MAML3: variants seen among roughly 807,000 people sequenced by gnomAD.
MAML3 encodes the protein mastermind-like protein 3.
In MAML3, 27 loss-of-function variants were observed where a neutral mutation model predicts 101.9. That is an observed-to-expected ratio of 0.27 (90% confidence interval 0.20 to 0.37). The LOEUF is 0.37. Ranked by LOEUF, MAML3 falls within the 10% of genes least tolerant of loss-of-function variation. MAML3 has a pLI of 1.00. For missense variants in MAML3, 1,316 were observed against 1,444.9 expected (o/e 0.91, Z 1.45); for synonymous variants, 501 against 555.9 (o/e 0.90, Z 1.39).
At chr4:140,112,607 C>A (rs1212999532) in intron 1 of MAML3, among the ~76,000 whole-genome samples, 4 of 152,194 alleles carry the variant, frequency 2.6e-5, no homozygotes, top group Non-Finnish European at 5.9e-5. Context: ...AGTGAGAACA[C>A]AGAGATCAGA....
intron 1 of MAML3, among the ~76,000 whole-genome samples, chr4:140,073,057 G>A (rs1727691312): frequency 1.3e-5 from 2 of 152,040 alleles, no homozygotes; most frequent in South Asian, 4.1e-4. Context: ...GGCTGGTCAT[G>A]AGCACTATAA....
At chr4:139,998,073 C>T (rs961011126) in intron 1 of MAML3, among the ~76,000 whole-genome samples, 3 of 152,058 alleles carry the variant, frequency 2.0e-5, no homozygotes, top group African/African-American at 7.2e-5. Context: ...GACTATATTT[C>T]TTCAAATATT....
chr4:139,958,146 G>A (rs1423938867), intron 1 of MAML3, among the ~76,000 whole-genome samples: 2 of 152,144 alleles, frequency 1.3e-5, no homozygotes, highest in South Asian at 2.1e-4. Context: ...GTCTAAGGAC[G>A]TTATCACTCT....
At chr4:139,723,029 T>C (rs1262675518) in intron 4 of MAML3, among the ~76,000 whole-genome samples, 2 of 152,268 alleles carry the variant, frequency 1.3e-5, no homozygotes, top group African/African-American at 2.4e-5. Flanking sequence ...GCCATTTCTT[T>C]CTAATTTAGC....
At chr4:139,963,158 C>G (rs544403502) in intron 1 of MAML3, among the ~76,000 whole-genome samples, 7 of 152,206 alleles carry the variant, frequency 4.6e-5, no homozygotes, top group African/African-American at 1.7e-4. Flanking sequence ...GTGGATCATC[C>G]CTGTAGTCCC....
At position 139,731,175 on chromosome 4, in the gene MAML3, C is replaced by T. The variant is rs192468479; in HGVS notation, c.2080-508G>A. The T allele has an allele frequency of 8.5e-4, 138 of 161,678 alleles. 2 individuals are homozygous for T. Among genetic ancestry groups the T allele is most frequent in the Admixed American group, 3.7e-3 (65 of 17,578 alleles). 10.0% of individuals were successfully genotyped at this position (161,678 alleles called of 1,614,324 possible). The stretch of plus-strand genomic sequence containing the variant: ...GATCTGATATTTGATGGAATTCTAA[C>T]GAGTTGCAACATTTGAGAGCTTAGA... On this transcript the variant is annotated intron_variant, in intron 2 of 4. Coordinates refer to ENST00000509479, the MANE Select transcript of MAML3 (RefSeq NM_018717.5).
intron 1 of MAML3, among the ~76,000 whole-genome samples, chr4:139,977,600 C>T (rs904198684): frequency 3.9e-5 from 6 of 152,132 alleles, no homozygotes; most frequent in East Asian, 1.9e-4. Context: ...TGGCCAGGCG[C>T]GGTAGCTCAC....
At chr4:139,830,984 T>C (rs1560807406) in intron 2 of MAML3, among the ~76,000 whole-genome samples, 1 of 152,148 alleles carries the variant, frequency 6.6e-6, no homozygotes, top group Non-Finnish European at 1.5e-5. Context: ...ATAGAGTGCT[T>C]AGGGCATATT....
chr4:139,874,389 T>C (rs898700834), intron 2 of MAML3, among the ~76,000 whole-genome samples: 1 of 152,198 alleles, frequency 6.6e-6, no homozygotes, highest in African/African-American at 2.4e-5. Context: ...AGAGCCAAGA[T>C]TGATTTTTTT....
At chr4:139,810,984 A>G (rs561460569) in intron 2 of MAML3, among the ~76,000 whole-genome samples, 111 of 152,308 alleles carry the variant, frequency 7.3e-4, no homozygotes, top group African/African-American at 2.6e-3. Flanking sequence ...GGCCTGGAGC[A>G]CAGACGTAAG....
In MAML3 at chr4:140,074,020, T is replaced by C. The variant is rs370018370; in HGVS notation, c.468+78840A>G. ...GGTGGCGCTCACCTGTAGTCCCATC[T>C]ACTCGGGAGGCTGAGGCAGGACAAT... is the stretch of plus-strand genomic sequence containing the variant. On this transcript the variant is annotated intron_variant, in intron 1 of 4. Coordinates refer to ENST00000509479, the MANE Select transcript of MAML3 (RefSeq NM_018717.5). Among the ~76,000 whole-genome samples, 35 of 152,092 alleles carry C rather than the reference T, an allele frequency of 2.3e-4. 1 individual carries two copies. The East Asian group carries it at 5.2e-3, about 23-fold the overall frequency.
At chr4:139,744,317 C>G (rs996202955) in intron 2 of MAML3, among the ~76,000 whole-genome samples, 2 of 152,144 alleles carry the variant, frequency 1.3e-5, no homozygotes, top group Admixed American at 6.5e-5. Flanking sequence ...GCTTCCAGAT[C>G]TTAGAGTTGA....
At chr4:139,754,998 G>C (rs554946214) in intron 2 of MAML3, among the ~76,000 whole-genome samples, 4 of 152,246 alleles carry the variant, frequency 2.6e-5, no homozygotes, top group Admixed American at 1.3e-4. Flanking sequence ...CCTCTTCGGC[G>C]TGGCGAATGC....
chr4:140,074,199 G>A (rs9760265), intron 1 of MAML3, among the ~76,000 whole-genome samples: 10 of 82,040 alleles, frequency 1.2e-4, no homozygotes, highest in South Asian at 4.4e-4. Context: ...GAGAAAGAAA[G>A]AGAAAGAAAG....
chr4:140,063,293 G>A (rs1237591009), intron 1 of MAML3, among the ~76,000 whole-genome samples: 1 of 152,164 alleles, frequency 6.6e-6, no homozygotes, highest in Non-Finnish European at 1.5e-5. Context: ...GGGAATGAAA[G>A]CCACAGAGAG....
intron 1 of MAML3, among the ~76,000 whole-genome samples, chr4:139,896,918 G>A (rs1732627259): frequency 6.6e-6 from 1 of 152,172 alleles, no homozygotes; most frequent in Non-Finnish European, 1.5e-5. Flanking sequence ...CCACAGCAAG[G>A]AGGAGCATGG....
chr4:140,019,811 T>A (rs1441650590), intron 1 of MAML3, among the ~76,000 whole-genome samples: 3 of 152,206 alleles, frequency 2.0e-5, no homozygotes, highest in Non-Finnish European at 4.4e-5. Flanking sequence ...TTGGGCGAAG[T>A]TGGTATAAAA....
In MAML3 at chr4:140,062,728, A is replaced by C. The variant is rs142052835; in HGVS notation, c.468+90132T>G. On this transcript the variant is annotated intron_variant, in intron 1 of 4. Coordinates refer to ENST00000509479, the MANE Select transcript of MAML3 (RefSeq NM_018717.5). Reference sequence around the variant, plus strand: ...TACAAATAGGTAGGATGAAATGAGTAAACAACTGCTTAGGAATGGGAAAAG... The same window carrying C: ...TACAAATAGGTAGGATGAAATGAGTCAACAACTGCTTAGGAATGGGAAAAG... 2.6e-3 allele frequency among the ~76,000 whole-genome samples: 393 copies of C among 152,364 alleles called. 4 individuals are homozygous for C. Among genetic ancestry groups the C allele is most frequent in the African/African-American group, 9.2e-3 (384 of 41,592 alleles).
Position 139,890,110 on chromosome 4 carries a change from C to T in MAML3, c.1326G>A (p.Pro442=), listed in dbSNP as rs61737612. The change falls in exon 2 of 5, where the codon CCG becomes CCA. Residue 442 remains proline (P), a synonymous_variant. Transcript: ENST00000509479. This position sits in a 1 kb window ranked among gnomAD's most constrained non-coding sequence, Gnocchi z 4.1. The stretch of plus-strand genomic sequence containing the variant: ...CTGAACCGGCCACTGTCACTGCTGC[C>T]GGATTCAGGAGATAACCATTTCCAG... The part of the protein sequence containing the change: ...PRPGNGYLLN[P]AAVTVAGSAS... 1.9e-4 allele frequency: 306 copies of T among 1,613,726 alleles called. 3 individuals carry two copies. In the African/African-American group the frequency reaches 3.6e-3, roughly 19 times the overall value.
Sources: allele counts gnomAD v4.1 joint callset (sites outside exome capture counted in the v4.1 genomes callset), GRCh38; gene constraint gnomAD v4.1.1; non-coding constraint Gnocchi (gnomAD v3.1); transcripts MANE v1.5; gene names NCBI Gene and HGNC (gene_info 2026-07-23, HGNC 2026-07-21).